The following KCTD15 variants were observed in gnomAD, a reference collection of about 807,000 sequenced individuals.
KCTD15 encodes the protein potassium channel tetramerization domain containing 15, also known as BTB/POZ domain-containing protein KCTD15.
A neutral mutation model predicts 27.2 loss-of-function variants in KCTD15; 11 were observed. That is an observed-to-expected ratio of 0.41 (90% confidence interval 0.25 to 0.67). KCTD15 has a LOEUF of 0.67. Among genes scored for constraint, KCTD15 ranks in the 30% least tolerant of loss-of-function variants. The pLI, the probability that KCTD15 is intolerant of heterozygous loss-of-function variation, is 0.35. For missense variants in KCTD15, 350 were observed against 409.3 expected, an observed-to-expected ratio of 0.86 and a Z score of 1.25; for synonymous variants, 163 against 176.0, an observed-to-expected ratio of 0.93 and a Z score of 0.58.
intron 6 of KCTD15, chr19:33,812,345 T>C: frequency 9.8e-7 from 1 of 1,020,684 alleles, no homozygotes; most frequent in Non-Finnish European, 1.2e-6. Context: ...CCACCTGGAA[T>C]GCACAGCTCA....
chr19:33,797,247 G>GGTGTGTGTGTGTGTGT (rs751185346), intron 1 of KCTD15, among the ~76,000 whole-genome samples: 8 of 120,712 alleles, frequency 6.6e-5, no homozygotes, highest in South Asian at 2.8e-4. Context: ...CCTGCCGCGC[G>GGTGTGTGTGTGTGTGT]GTGTGTGTGT....
intron 5 of KCTD15, among the ~76,000 whole-genome samples, chr19:33,807,945 C>CAA (rs60779290): frequency 0.02 from 2,684 of 135,832 alleles, 40 homozygotes; most frequent in African/African-American, 0.049. Flanking sequence ...GACTCTGTCT[C>CAA]AAAAAAAAAA....
chr19:33,808,213 C>CT (rs987381833), intron 5 of KCTD15, among the ~76,000 whole-genome samples: 26 of 152,204 alleles, frequency 1.7e-4, no homozygotes, highest in Non-Finnish European at 3.8e-4. Flanking sequence ...ATTCCTTCCT[C>CT]TATCCAGAGG....
chr19:33,811,827 A>G, intron 6 of KCTD15: 1 of 1,606,870 alleles, frequency 6.2e-7, no homozygotes. Context: ...ATTTTCAACA[A>G]AGCGTGCTTC....
At chr19:33,807,612 C>T (rs1975754531) in intron 5 of KCTD15, among the ~76,000 whole-genome samples, 1 of 152,054 alleles carries the variant, frequency 6.6e-6, no homozygotes, top group Non-Finnish European at 1.5e-5. Flanking sequence ...CCCAGCTACT[C>T]GGGAGGCTGA....
upstream of KCTD15, chr19:33,796,843 G>A (rs1424817970): frequency 1.6e-5 from 2 of 127,162 alleles, no homozygotes; most frequent in East Asian, 5.3e-4. Flanking sequence ...TGGGGGGAGG[G>A]TTGGGGGCGA....
upstream of KCTD15, among the ~76,000 whole-genome samples, chr19:33,795,465 A>AG (rs1291436162): frequency 6.6e-6 from 1 of 151,752 alleles, no homozygotes; most frequent in African/African-American, 2.4e-5. Flanking sequence ...TGCGGCCGCT[A>AG]GGGGGCGTCC....
intron 5 of KCTD15, among the ~76,000 whole-genome samples, chr19:33,808,121 G>A (rs1404826801): frequency 6.6e-6 from 1 of 152,222 alleles, no homozygotes; most frequent in Admixed American, 6.5e-5. Context: ...CCACATGTCA[G>A]GGACTCTGGG....
At chr19:33,807,576 G>A (rs1975753024) in intron 5 of KCTD15, among the ~76,000 whole-genome samples, 1 of 152,110 alleles carries the variant, frequency 6.6e-6, no homozygotes, top group South Asian at 2.1e-4. Context: ...AGAAAAATTA[G>A]CCAGGCGTGG....
At chr19:33,801,039 C>A in intron 3 of KCTD15, 128 bp from the exon 4 acceptor site, 1 of 828,356 alleles carries the variant, frequency 1.2e-6, no homozygotes, top group Non-Finnish European at 1.8e-6. Flanking sequence ...TATGATCAGG[C>A]ACGGGCAGAA....
At chr19:33,812,347 C>T in intron 6 of KCTD15, 2 of 1,022,288 alleles carry the variant, frequency 2.0e-6, no homozygotes, top group South Asian at 4.5e-5. Flanking sequence ...ACCTGGAATG[C>T]ACAGCTCAGG....
upstream of KCTD15, among the ~76,000 whole-genome samples, chr19:33,794,653 T>C (rs548590578): frequency 6.6e-6 from 1 of 152,334 alleles, no homozygotes; most frequent in African/African-American, 2.4e-5. Flanking sequence ...AGGACGTTTC[T>C]GTCCATGAAG....
At chr19:33,802,030 C>A (rs1243232346) in intron 4 of KCTD15, among the ~76,000 whole-genome samples, 1 of 152,142 alleles carries the variant, frequency 6.6e-6, no homozygotes, top group African/African-American at 2.4e-5. Context: ...TATAGGCTGC[C>A]CAGGCCCTTG....
At chr19:33,807,823 C>T (rs1406457655) in intron 5 of KCTD15, among the ~76,000 whole-genome samples, 1 of 152,032 alleles carries the variant, frequency 6.6e-6, no homozygotes, top group Non-Finnish European at 1.5e-5. Context: ...GCCTGTAATA[C>T]CAGCCACTTG....
intron 2 of KCTD15, chr19:33,799,447 C>T (rs1975456332): frequency 6.6e-6 from 1 of 152,238 alleles, no homozygotes; most frequent in Non-Finnish European, 1.5e-5. Flanking sequence ...AGGGGGGTGA[C>T]TATTCACGTG....
At chr19:33,812,597 G>A (rs942485876) in intron 6 of KCTD15, 193 bp from the exon 7 acceptor site, 1 of 1,290,080 alleles carries the variant, frequency 7.8e-7, no homozygotes, top group Non-Finnish European at 9.8e-7. Flanking sequence ...ACTGGGCCTG[G>A]CCACTTCTGT....
chr19:33,809,431 T>C (rs1340052839), intron 5 of KCTD15, among the ~76,000 whole-genome samples: 1 of 152,200 alleles, frequency 6.6e-6, no homozygotes, highest in African/African-American at 2.4e-5. Flanking sequence ...GCTTGAATTC[T>C]GAGTTGGTAA....
At chr19:33,801,110 A>G in intron 3 of KCTD15, 57 bp from the exon 4 acceptor site, 1 of 1,502,506 alleles carries the variant, frequency 6.7e-7, no homozygotes, top group South Asian at 1.3e-5. Flanking sequence ...TGTGTTGTGG[A>G]GAAACTCTTG....
chr19:33,797,275 TGTGTGTGTGCGCGCGC>T (rs1975358147), intron 1 of KCTD15: 5 of 265,418 alleles, frequency 1.9e-5, no homozygotes, highest in East Asian at 9.5e-5. Context: ...TGTGTGTGTG[TGTGTGTGTGCGCGCGC>T]GCGCGCGCGC....
Sources: allele counts gnomAD v4.1 joint callset (sites outside exome capture counted in the v4.1 genomes callset), GRCh38; gene constraint gnomAD v4.1.1; transcripts MANE v1.5; gene names NCBI Gene and HGNC (gene_info 2026-07-23, HGNC 2026-07-21).